TAFA4: variants seen among roughly 807,000 people sequenced by gnomAD.
TAFA4 encodes chemokine-like protein TAFA-4.
TAFA4 carries 20 observed loss-of-function variants against 21.1 expected under a neutral mutation model. That is an observed-to-expected ratio of 0.95 (90% CI 0.67 to 1.38). The LOEUF (loss-of-function observed/expected upper bound fraction) is 1.38. Among genes scored for constraint, TAFA4 ranks in the 40% most tolerant of loss-of-function variants. TAFA4 has a pLI of 0.00. For synonymous variants in TAFA4, 71 were observed against 67.4 expected (o/e 1.05, Z -0.26); for missense variants, 211 against 180.9 (o/e 1.17, Z -0.95).
At chr3:68,795,450 C>T (rs1703438085) in intron 3 of TAFA4, among the ~76,000 whole-genome samples, 1 of 152,060 alleles carries the variant, frequency 6.6e-6, no homozygotes, top group Non-Finnish European at 1.5e-5. Context: ...CTTGCATTTA[C>T]CCCTAGCCAC....
At chr3:68,853,916 C>T (rs924874885) in intron 3 of TAFA4, among the ~76,000 whole-genome samples, 2 of 152,130 alleles carry the variant, frequency 1.3e-5, no homozygotes, top group Non-Finnish European at 2.9e-5. Flanking sequence ...TATTTTCAAA[C>T]TCATTCAGTG....
intron 3 of TAFA4, among the ~76,000 whole-genome samples, chr3:68,858,583 T>TGTGG (rs1419282779): frequency 7.0e-6 from 1 of 141,856 alleles, no homozygotes; most frequent in Non-Finnish European, 1.5e-5. Context: ...GTGACGTGTG[T>TGTGG]GTGTGTGTGT....
intron 1 of TAFA4, among the ~76,000 whole-genome samples, chr3:68,891,467 A>G (rs942542089): frequency 1.3e-5 from 2 of 152,144 alleles, no homozygotes; most frequent in Non-Finnish European, 2.9e-5. Context: ...CCATCAGTTC[A>G]TCTCTGACCT....
intron 3 of TAFA4, among the ~76,000 whole-genome samples, chr3:68,861,031 C>G (rs2089334050): frequency 3.4e-5 from 1 of 29,036 alleles, no homozygotes; most frequent in Non-Finnish European, 6.1e-5. Context: ...TAAATATGCA[C>G]CCCCCCCCCG....
At chr3:68,814,915 A>T (rs148681311) in intron 3 of TAFA4, among the ~76,000 whole-genome samples, 54,906 of 152,002 alleles carry the variant, frequency 0.36, 10,863 homozygotes, top group Non-Finnish European at 0.45. Flanking sequence ...TTCAAACTAT[A>T]CTACAAGGCT....
chr3:68,766,655 T>C (rs575269182), intron 3 of TAFA4, among the ~76,000 whole-genome samples: 7 of 151,922 alleles, frequency 4.6e-5, no homozygotes, highest in East Asian at 1.9e-4. Context: ...CCGAATCCTA[T>C]TTCAGAGATA....
chr3:68,817,817 AC>A (rs1409524727), intron 3 of TAFA4, among the ~76,000 whole-genome samples: 46 of 152,116 alleles, frequency 3.0e-4, no homozygotes, highest in Admixed American at 3.0e-3. Flanking sequence ...AGAAAACCAT[AC>A]TATAAAGATA....
chr3:68,817,100 C>T (rs965122617), intron 3 of TAFA4, among the ~76,000 whole-genome samples: 2 of 152,166 alleles, frequency 1.3e-5, no homozygotes, highest in African/African-American at 2.4e-5. Context: ...AACATCTTAT[C>T]CACAGAACTT....
At chr3:68,767,579 A>T (rs1702879240) in intron 3 of TAFA4, among the ~76,000 whole-genome samples, 1 of 152,118 alleles carries the variant, frequency 6.6e-6, no homozygotes, top group African/African-American at 2.4e-5. Flanking sequence ...ATATGGTGTT[A>T]ATATATAATA....
At position 68,895,250 on chromosome 3, in the gene TAFA4, A is replaced by G. The variant is rs1219809799; in HGVS notation, c.-122-9940T>C. ...TGACCTCAGGTGATCCGCCTGCCTC[A>G]GCCTCCAAAAGTGCTGGGATTACAG... is the stretch of plus-strand genomic sequence containing the variant. On this transcript the variant is annotated intron_variant, in intron 1 of 5. Coordinates refer to ENST00000295569, the MANE Select transcript of TAFA4 (RefSeq NM_182522.5). Among the ~76,000 whole-genome samples the G allele has an allele frequency of 1.3e-5, 2 of 152,096 alleles. 1 individual carries two copies. The highest frequency in any genetic ancestry group is 4.8e-5 in the African/African-American group (2 of 41,408).
intron 3 of TAFA4, among the ~76,000 whole-genome samples, chr3:68,762,900 T>C (rs1039769390): frequency 2.0e-5 from 3 of 152,148 alleles, no homozygotes; most frequent in African/African-American, 7.2e-5. Context: ...TAGCCGGGTG[T>C]GGTGGCACAT....
chr3:68,920,622 T>C (rs1305898888), intron 1 of TAFA4, among the ~76,000 whole-genome samples: 1 of 151,060 alleles, frequency 6.6e-6, no homozygotes, highest in African/African-American at 2.4e-5. Flanking sequence ...TTAGAAGTGA[T>C]TTTTACTTTT....
At chr3:68,855,958 C>T (rs1252949544) in intron 3 of TAFA4, among the ~76,000 whole-genome samples, 3 of 152,116 alleles carry the variant, frequency 2.0e-5, no homozygotes, top group Non-Finnish European at 2.9e-5. Flanking sequence ...AATGCAGACA[C>T]GATATTTAAA....
At chr3:68,931,020 G>C (rs528452678) in intron 1 of TAFA4, among the ~76,000 whole-genome samples, 1 of 152,184 alleles carries the variant, frequency 6.6e-6, no homozygotes, top group African/African-American at 2.4e-5. Flanking sequence ...ACGAAGATGC[G>C]TGTGATTAGG....
At chr3:68,753,660 G>A (rs1312216406) in intron 3 of TAFA4, among the ~76,000 whole-genome samples, 1 of 152,114 alleles carries the variant, frequency 6.6e-6, no homozygotes, top group Non-Finnish European at 1.5e-5. Flanking sequence ...AAGAGAGGCA[G>A]TGTAGCCTGG....
intron 3 of TAFA4, among the ~76,000 whole-genome samples, chr3:68,878,068 A>G (rs924212458): frequency 6.6e-6 from 1 of 152,106 alleles, no homozygotes; most frequent in Admixed American, 6.5e-5. Context: ...ACCCCCCAAC[A>G]TTTGATTTCC....
intron 1 of TAFA4, among the ~76,000 whole-genome samples, chr3:68,890,553 G>C (rs1055089634): frequency 5.3e-5 from 8 of 152,102 alleles, no homozygotes; most frequent in Non-Finnish European, 1.2e-4. Flanking sequence ...CCATGCACTT[G>C]TTAGTCATTT....
chr3:68,862,855 T>TCACACACACACACA (rs145463746), intron 3 of TAFA4, among the ~76,000 whole-genome samples: 6 of 148,468 alleles, frequency 4.0e-5, no homozygotes, highest in African/African-American at 1.5e-4. Context: ...AAAAGAATTT[T>TCACACACACACACA]CACACACACA....
In TAFA4 at chr3:68,880,742, G is replaced by A. The variant is rs145690051; in HGVS notation, c.118C>T (p.Arg40Trp). ...TTAAAGGGCTTACCTGCATGTCCCC[G>A]GAGGTGCTGGCTTGAGGCGGACATC... ...KLMSASSQHL[R>W]GHAGHHQIKQ... Residue 40 changes from arginine (R) to tryptophan (W), a missense_variant, in exon 3 of 6, where the codon CGG becomes TGG. By Grantham distance (101) the Arg-to-Trp change is moderately radical. Coordinates refer to ENST00000295569, the MANE Select transcript of TAFA4 (RefSeq NM_182522.5). The A allele has an allele frequency of 3.8e-4, 606 of 1,613,868 alleles. No homozygotes were observed. The African/African-American group carries it at 5.4e-3, about 14-fold the overall frequency.
Sources: gnomAD v4.1 joint callset for allele counts (sites outside exome capture counted in the v4.1 genomes callset) on GRCh38, gnomAD v4.1.1 for gene constraint, MANE v1.5 for transcripts, NCBI Gene and HGNC (gene_info 2026-07-23, HGNC 2026-07-21) for gene names.